ATP10B: variants seen among roughly 807,000 people sequenced by gnomAD.
The protein encoded by ATP10B is phospholipid-transporting ATPase VB.
Under a neutral mutation model 141.2 loss-of-function variants are expected in ATP10B, and 122 were observed. The observed-to-expected ratio is 0.86, with a 90% confidence interval of 0.75 to 1.00. ATP10B has a LOEUF of 1.00. Among genes scored for constraint, ATP10B ranks in the 50% least tolerant of loss-of-function variants. The pLI is 0.00. For missense variants in ATP10B, 1,876 were observed against 1,825.3 expected, an observed-to-expected ratio of 1.03 and a Z score of -0.51; for synonymous variants, 685 against 692.0, an observed-to-expected ratio of 0.99 and a Z score of 0.16.
At chr5:160,784,533 T>TGTA (rs1358302475) in intron 2 of ATP10B, among the ~76,000 whole-genome samples, 1 of 152,200 alleles carries the variant, frequency 6.6e-6, no homozygotes, top group African/African-American at 2.4e-5. Flanking sequence ...TAATGTTATT[T>TGTA]GTAGTTGTTG....
intron 2 of ATP10B, among the ~76,000 whole-genome samples, chr5:160,751,980 T>C (rs1203468687): frequency 1.3e-5 from 2 of 152,036 alleles, no homozygotes; most frequent in Non-Finnish European, 2.9e-5. Context: ...TGAGCGTACA[T>C]CCCCCTAATT....
chr5:160,755,731 C>T (rs1015703298), intron 2 of ATP10B, among the ~76,000 whole-genome samples: 4 of 142,722 alleles, frequency 2.8e-5, no homozygotes, highest in African/African-American at 5.1e-5. Flanking sequence ...AGGAGAATGG[C>T]GTGAACTCGG....
At chr5:160,879,507 G>A in the ATP10B span, among the ~76,000 whole-genome samples, 8 of 144,666 alleles carry the variant, frequency 5.5e-5, no homozygotes, top group South Asian at 1.8e-3. Context: ...TGCACAATGT[G>A]CACATGTACC....
intron 2 of ATP10B, among the ~76,000 whole-genome samples, chr5:160,769,128 A>G (rs1448572473): frequency 2.6e-5 from 4 of 152,118 alleles, no homozygotes; most frequent in African/African-American, 9.7e-5. Context: ...TTGGAGCCAT[A>G]TAGGGGTATT....
chr5:160,652,950 AT>A (rs1760971076), intron 7 of ATP10B, among the ~76,000 whole-genome samples: 1 of 92,412 alleles, frequency 1.1e-5, no homozygotes, highest in Non-Finnish European at 1.8e-5. Flanking sequence ...TATATATAAT[AT>A]ATTATATATA....
chr5:160,809,191 CTT>C (rs1400560610), intron 1 of ATP10B, among the ~76,000 whole-genome samples: 2 of 152,120 alleles, frequency 1.3e-5, no homozygotes, highest in Non-Finnish European at 2.9e-5. Flanking sequence ...TTCTCTGTAG[CTT>C]GTTTTACTTC....
At chr5:160,692,063 A>G (rs1270901154) in intron 3 of ATP10B, among the ~76,000 whole-genome samples, 1 of 152,166 alleles carries the variant, frequency 6.6e-6, no homozygotes, top group Non-Finnish European at 1.5e-5. Context: ...TTCTCTCACT[A>G]TTAGGTGGTA....
chr5:160,614,997 T>C (rs1240846511), intron 17 of ATP10B, among the ~76,000 whole-genome samples: 1 of 152,202 alleles, frequency 6.6e-6, no homozygotes, highest in Non-Finnish European at 1.5e-5. Context: ...TTCTTGGCAA[T>C]GCCTTTCCTC....
intron 8 of ATP10B, among the ~76,000 whole-genome samples, chr5:160,645,532 G>A (rs1222713995): frequency 6.6e-6 from 1 of 152,184 alleles, no homozygotes; most frequent in Non-Finnish European, 1.5e-5. Context: ...TTATTGGGAG[G>A]CAGATCCTAA....
At chr5:160,765,959 C>T (rs954044969) in intron 2 of ATP10B, among the ~76,000 whole-genome samples, 3 of 152,070 alleles carry the variant, frequency 2.0e-5, no homozygotes, top group Non-Finnish European at 4.4e-5. Flanking sequence ...AAAAAATGCT[C>T]AACATCACTA....
Position 160,686,173 on chromosome 5 carries a change from G to C in ATP10B, c.376C>G (p.Leu126Val), listed in dbSNP as rs773981487. The C allele has an allele frequency of 6.2e-7, 1 of 1,613,346 alleles. No homozygotes were observed. Among genetic ancestry groups the C allele is most frequent in the Admixed American group, 1.7e-5 (1 of 59,984 alleles). Reference sequence around the variant, plus strand: ...CCATCCTTGATCATGATGACGAACAGGACAATGGCCAATGGTAACATGGTG... The same window carrying C: ...CCATCCTTGATCATGATGACGAACACGACAATGGCCAATGGTAACATGGTG... ...EITMLPLAIV[L>V]FVIMIKDGME... is the part of the protein sequence containing the mutation. The change falls in exon 6 of 26, where the codon CTG becomes GTG. Residue 126 changes from leucine to valine, a missense_variant. Coordinates refer to ENST00000327245, the MANE Select transcript of ATP10B (RefSeq NM_025153.3).
chr5:160,735,002 C>CA lies in ATP10B; in HGVS notation c.-330-17969dup, dbSNP rs1322043260. On this transcript the variant is annotated intron_variant, in intron 2 of 25. Coordinates refer to ENST00000327245, the MANE Select transcript of ATP10B (RefSeq NM_025153.3). ...AATTAAAAAAGATACAATGGATACACAAAAAATGAAAAGCAAGAAACTAAA... is the reference window on the plus strand; with the variant it reads ...AATTAAAAAAGATACAATGGATACACAAAAAAATGAAAAGCAAGAAACTAAA... Among the ~76,000 whole-genome samples the CA allele has an allele frequency of 2.1e-5, 3 of 144,776 alleles. No homozygotes were observed. The East Asian group carries it at 6.1e-4, about 29-fold the overall frequency. 95.0% of individuals were successfully genotyped at this position (144,776 alleles called of 152,430 possible).
intron 2 of ATP10B, among the ~76,000 whole-genome samples, chr5:160,781,271 G>C (rs1770696044): frequency 6.6e-6 from 1 of 152,174 alleles, no homozygotes; most frequent in Non-Finnish European, 1.5e-5. Flanking sequence ...TTCTAAGGAA[G>C]TAGTAGGTGC....
intron 21 of ATP10B, among the ~76,000 whole-genome samples, chr5:160,600,619 G>A (rs10077842): frequency 0.026 from 3,961 of 152,276 alleles, 70 homozygotes; most frequent in Middle Eastern, 0.075. Context: ...TGGAGTTTCA[G>A]CGTTACAGAG....
At chr5:160,691,748 C>A (rs1764088504) in intron 3 of ATP10B, 1 of 152,144 alleles carries the variant, frequency 6.6e-6, no homozygotes, top group Admixed American at 6.5e-5. Context: ...TTCGTCAATC[C>A]AACTGATTTT....
At chr5:160,743,677 A>G (rs933062738) in intron 2 of ATP10B, among the ~76,000 whole-genome samples, 1 of 152,230 alleles carries the variant, frequency 6.6e-6, no homozygotes, top group Non-Finnish European at 1.5e-5. Flanking sequence ...TTAGCAGTAC[A>G]AAAATACATT....
Position 160,565,908 on chromosome 5 carries a change from GA to G in ATP10B, c.3939-9del. On this transcript the variant is annotated splice_polypyrimidine_tract_variant and intron_variant, in intron 25 of 25. Transcript: ENST00000327245. ...AGAGACAGGAAAAAGTATCTGGTGG[GA>G]AACAACAGAATAAAGATATTTCTGA... 6.3e-7 allele frequency: 1 copy of G among 1,595,962 alleles called. No homozygotes were observed. Among genetic ancestry groups the G allele is most frequent in the South Asian group, 1.1e-5 (1 of 87,930 alleles).
chr5:160,829,181 CA>C lies in ATP10B; in HGVS notation c.-576+22759del, dbSNP rs572423461. ...ATGTAACTAACCTGCACATTGTGCA[CA>C]TGTACCCTAAAACTTAAAGTATAAT... is the stretch of plus-strand genomic sequence containing the variant. On this transcript the variant is annotated intron_variant, in intron 1 of 25. Transcript: ENST00000327245. Among the ~76,000 whole-genome samples, 307 of 151,742 alleles carry C rather than the reference CA, an allele frequency of 2.0e-3. 1 individual carries two copies. Among genetic ancestry groups the C allele is most frequent in the African/African-American group, 7.1e-3 (292 of 41,378 alleles).
the ATP10B span, among the ~76,000 whole-genome samples, chr5:160,898,664 T>C: frequency 6.6e-6 from 1 of 152,220 alleles, no homozygotes; most frequent in Non-Finnish European, 1.5e-5. Context: ...CAAAGGATTA[T>C]AAATCATTCT....
Sources: allele counts gnomAD v4.1 joint callset (sites outside exome capture counted in the v4.1 genomes callset), GRCh38; gene constraint gnomAD v4.1.1; transcripts MANE v1.5; gene names NCBI Gene and HGNC (gene_info 2026-07-23, HGNC 2026-07-21).